Variants in NDUFB2 observed in about 807,000 individuals in gnomAD.
The protein encoded by NDUFB2 is NADH dehydrogenase [ubiquinone] 1 beta subcomplex subunit 2, mitochondrial.
Under a neutral mutation model 13.4 loss-of-function variants are expected in NDUFB2, and 13 were observed. The observed-to-expected ratio is 0.97, with a 90% confidence interval of 0.63 to 1.54. The LOEUF is 1.54. Among genes scored for constraint, NDUFB2 ranks in the 40% most tolerant of loss-of-function variants. The probability of loss-of-function intolerance (pLI) is 0.00; values close to 1 mark genes in which losing one functional copy is unlikely to be tolerated. For missense variants in NDUFB2, 150 were observed against 139.7 expected, an observed-to-expected ratio of 1.07 and a Z score of -0.37; for synonymous variants, 47 against 50.6, an observed-to-expected ratio of 0.93 and a Z score of 0.30.
At chr7:140,706,468 C>T (rs1794975499) in intron 3 of NDUFB2, 95 bp from the exon 4 acceptor site, 1 of 151,976 alleles carries the variant, frequency 6.6e-6, no homozygotes, top group Admixed American at 6.6e-5. Flanking sequence ...ATGATCAGTG[C>T]TCAATAAATA....
At chr7:140,696,995 G>T (rs1485340424) in intron 1 of NDUFB2, 153 bp downstream of exon 1, 3 of 686,428 alleles carry the variant, frequency 4.4e-6, no homozygotes, top group South Asian at 1.8e-5. Flanking sequence ...GCCGCGACTC[G>T]AGGAGAGGGA....
intron 2 of NDUFB2, among the ~76,000 whole-genome samples, chr7:140,703,274 T>G (rs1315252007): frequency 1.6e-5 from 1 of 63,030 alleles, no homozygotes; most frequent in Non-Finnish European, 2.7e-5. Context: ...TAAAAGCTCA[T>G]TTTTTTTTTT....
At chr7:140,697,992 T>G in intron 1 of NDUFB2, 1 of 1,287,768 alleles carries the variant, frequency 7.8e-7, no homozygotes. Context: ...GCCACTGCGC[T>G]TGGTCTCACT....
intron 1 of NDUFB2, among the ~76,000 whole-genome samples, chr7:140,700,384 A>G (rs982306426): frequency 4.6e-5 from 7 of 150,688 alleles, no homozygotes; most frequent in Admixed American, 4.0e-4. Context: ...CGGCCTCCCA[A>G]AATGCTGGGA....
chr7:140,705,101 CTT>C (rs878932531), intron 3 of NDUFB2, 138 bp downstream of exon 3: 10,315 of 332,052 alleles, frequency 0.031, no homozygotes, highest in East Asian at 0.039. Flanking sequence ...CCTGTATCTG[CTT>C]TTTTTTTTTT....
intron 1 of NDUFB2, chr7:140,702,597 A>G (rs1794911708): frequency 5.0e-6 from 2 of 402,408 alleles, no homozygotes; most frequent in African/African-American, 2.0e-5. Context: ...CCCAGAATCA[A>G]CACATTCAAA....
rs1794945610 is a variant in NDUFB2, at chr7:140,704,932, T to C, written c.316T>C (p.Ter106ArgextTer30). 1 of 1,595,570 alleles carries C rather than the reference T, an allele frequency of 6.3e-7. No homozygotes were observed. The highest frequency in any genetic ancestry group is 8.6e-7 in the Non-Finnish European group (1 of 1,169,458). The stretch of plus-strand genomic sequence containing the variant: ...AGGTATCCCTCCTGATGATGAAGAC[T>C]GAAGGTGTAGACTCAGCCTCACTCT... ...ELGIPPDDED* is the reference protein window; with the variant it reads ...ELGIPPDDEDR The change falls in exon 3 of 4, where the codon TGA (stop) becomes CGA (arginine). Residue 106 changes from the stop codon to arginine (R), a stop_lost. Coordinates refer to ENST00000247866, the MANE Select transcript of NDUFB2 (RefSeq NM_004546.3).
At chr7:140,704,039 G>A (rs1334374384) in intron 2 of NDUFB2, among the ~76,000 whole-genome samples, 1 of 152,214 alleles carries the variant, frequency 6.6e-6, no homozygotes, top group Non-Finnish European at 1.5e-5. Context: ...ACAGGCGTGA[G>A]CCACTGCGCC....
chr7:140,699,540 G>T (rs1444680980), intron 1 of NDUFB2, among the ~76,000 whole-genome samples: 1 of 152,080 alleles, frequency 6.6e-6, no homozygotes, highest in Non-Finnish European at 1.5e-5. Flanking sequence ...TCCATGGAAG[G>T]TTTATTTCTT....
intron 1 of NDUFB2, chr7:140,701,900 C>T (rs1319664075): frequency 5.6e-6 from 3 of 539,796 alleles, no homozygotes; most frequent in East Asian, 6.4e-5. Flanking sequence ...TGTTCCATTG[C>T]ACTCCAGCCT....
chr7:140,705,556 C>T (rs536548380), intron 3 of NDUFB2: 1 of 152,278 alleles, frequency 6.6e-6, no homozygotes, highest in South Asian at 2.1e-4. Flanking sequence ...AATGATTCTC[C>T]TGCCTCTGCC....
chr7:140,706,344 G>C (rs1794974257), intron 3 of NDUFB2: 1 of 152,032 alleles, frequency 6.6e-6, no homozygotes. Flanking sequence ...CCAAAGTGTT[G>C]GGATTACAGG....
chr7:140,700,298 T>C (rs1408791460), intron 1 of NDUFB2: 1 of 151,858 alleles, frequency 6.6e-6, no homozygotes, highest in Non-Finnish European at 1.5e-5. Context: ...TAATTTTGTA[T>C]TTTTAGTAGA....
chr7:140,697,380 G>A (rs367616116), intron 1 of NDUFB2: 8 of 702,914 alleles, frequency 1.1e-5, no homozygotes. Context: ...CGCCCAGAGA[G>A]AGCGCCGTCG....
At chr7:140,699,080 C>T (rs911159076) in intron 1 of NDUFB2, among the ~76,000 whole-genome samples, 1 of 152,114 alleles carries the variant, frequency 6.6e-6, no homozygotes, top group Non-Finnish European at 1.5e-5. Flanking sequence ...ATTGCTTGAG[C>T]CCAGGAGGCA....
chr7:140,698,468 A>G (rs1384414169), intron 1 of NDUFB2, among the ~76,000 whole-genome samples: 2 of 152,192 alleles, frequency 1.3e-5, no homozygotes, highest in African/African-American at 2.4e-5. Flanking sequence ...GTTAAGGGTT[A>G]TGAAGAGAAT....
chr7:140,700,543 C>T (rs141513723), intron 1 of NDUFB2, among the ~76,000 whole-genome samples: 1 of 150,890 alleles, frequency 6.6e-6, no homozygotes, highest in East Asian at 2.0e-4. Context: ...AATCCCAGCA[C>T]TTTGGGAGGT....
At chr7:140,699,496 G>A (rs1054053419) in intron 1 of NDUFB2, among the ~76,000 whole-genome samples, 8 of 152,160 alleles carry the variant, frequency 5.3e-5, no homozygotes, top group African/African-American at 1.9e-4. Flanking sequence ...TCTACCTGAG[G>A]ACTGGCTTCT....
intron 3 of NDUFB2, among the ~76,000 whole-genome samples, chr7:140,705,958 C>T (rs1794961587): frequency 6.6e-6 from 1 of 151,856 alleles, no homozygotes; most frequent in Non-Finnish European, 1.5e-5. Context: ...TCCTCATAAA[C>T]CCCTAGGGGT....
Sources: allele counts gnomAD v4.1 joint callset (sites outside exome capture counted in the v4.1 genomes callset), GRCh38; gene constraint gnomAD v4.1.1; transcripts MANE v1.5; gene names NCBI Gene and HGNC (gene_info 2026-07-23, HGNC 2026-07-21).